The following UHRF1 variants were observed in gnomAD, a reference collection of about 807,000 sequenced individuals.
The protein encoded by UHRF1 is E3 ubiquitin-protein ligase UHRF1.
In UHRF1, 9 loss-of-function variants were observed where a neutral mutation model predicts 96.5. That is an observed-to-expected ratio of 0.09 (90% CI 0.06 to 0.16). The LOEUF is 0.16. Ranked by LOEUF, UHRF1 falls within the 10% of genes least tolerant of loss-of-function variation. The pLI, the probability that UHRF1 is intolerant of heterozygous loss-of-function variation, is 1.00. For synonymous variants in UHRF1, 455 were observed against 469.9 expected, an observed-to-expected ratio of 0.97 and a Z score of 0.41; for missense variants, 626 against 1,131.1, an observed-to-expected ratio of 0.55 and a Z score of 6.40.
intron 4 of UHRF1, 137 bp downstream of exon 4, chr19:4,931,013 C>T (rs973689231): frequency 4.1e-6 from 5 of 1,209,792 alleles, no homozygotes; most frequent in Non-Finnish European, 5.8e-6. Flanking sequence ...GAATTCCTAA[C>T]AGCATACGAG....
intron 7 of UHRF1, 105 bp downstream of exon 7, chr19:4,942,036 C>G: frequency 8.0e-7 from 1 of 1,257,186 alleles, no homozygotes; most frequent in East Asian, 2.9e-5. Flanking sequence ...GGGCTCACGC[C>G]TGCAATCCCA....
intron 1 of UHRF1, among the ~76,000 whole-genome samples, chr19:4,904,469 G>A (rs965168265): frequency 2.6e-5 from 4 of 151,604 alleles, no homozygotes; most frequent in Non-Finnish European, 4.4e-5. Context: ...GTGAGCCACC[G>A]CACCCAGCCA....
Position 4,926,553 on chromosome 19 carries a change from G to T in UHRF1, c.154-2669G>T, listed in dbSNP as rs544213052. On this transcript the variant is annotated intron_variant, in intron 2 of 16. Transcript: ENST00000650932. ...TTTTTCTGATGCTGGTGGATCGCTT[G>T]CTTGAGCCCCGGAGTTCAAAACCAG... is the stretch of plus-strand genomic sequence containing the variant. 2.2e-4 allele frequency among the ~76,000 whole-genome samples: 33 copies of T among 152,202 alleles called. No homozygotes were observed. In the South Asian group the frequency reaches 4.6e-3, roughly 21 times the overall value.
chr19:4,942,167 G>C (rs1290768469), intron 7 of UHRF1, among the ~76,000 whole-genome samples: 1 of 152,074 alleles, frequency 6.6e-6, no homozygotes. Context: ...TTGTTTTTTT[G>C]AGACGGAGTC....
upstream of UHRF1, among the ~76,000 whole-genome samples, chr19:4,906,789 T>C (rs764870067): frequency 1.3e-5 from 2 of 152,018 alleles, no homozygotes; most frequent in Non-Finnish European, 2.9e-5. Flanking sequence ...AAAAATGTAT[T>C]CCCTCTTTCA....
Position 4,941,732 on chromosome 19 carries a change from G to A in UHRF1, c.887-13G>A, listed in dbSNP as rs777353369. 4.4e-5 allele frequency: 68 copies of A among 1,546,464 alleles called. 1 individual carries two copies. The highest frequency in any genetic ancestry group is 1.7e-4 in the Middle Eastern group (1 of 5,898). On this transcript the variant is annotated splice_polypyrimidine_tract_variant and intron_variant, in intron 6 of 16. Coordinates refer to ENST00000650932, the MANE Select transcript of UHRF1 (RefSeq NM_001048201.3). ...GGGCCCCGCCGGAGCTGACCCTGCC[G>A]CCCCGTGCCCAGGGAAGAGCGGGCC...
At chr19:4,939,413 T>C (rs1032484586) in intron 5 of UHRF1, among the ~76,000 whole-genome samples, 1 of 151,820 alleles carries the variant, frequency 6.6e-6, no homozygotes, top group Non-Finnish European at 1.5e-5. Flanking sequence ...TGCTGTTTGC[T>C]GTCTCACCTA....
chr19:4,917,676 A>G (rs1440732236), intron 2 of UHRF1, among the ~76,000 whole-genome samples: 3 of 150,468 alleles, frequency 2.0e-5, no homozygotes, highest in East Asian at 2.0e-4. Flanking sequence ...AAAAAAAAAA[A>G]AGAGACAAGG....
At chr19:4,936,038 C>G (rs1003694074) in intron 5 of UHRF1, among the ~76,000 whole-genome samples, 3 of 152,218 alleles carry the variant, frequency 2.0e-5, no homozygotes, top group African/African-American at 7.2e-5. Flanking sequence ...ACCTGGCCGA[C>G]CACACCTTGG....
Position 4,960,899 on chromosome 19 carries a change from G to A in UHRF1, c.*96G>A, listed in dbSNP as rs1471233764. On this transcript the variant is annotated 3_prime_UTR_variant, in exon 17 of 17. Transcript: ENST00000650932. ...GTTCTTAGTGGGCTTAACTTAAACA[G>A]GTAGTGTTTCCTCCGTTCCCTAAAA... The A allele has an allele frequency of 4.6e-6, 3 of 646,610 alleles. No homozygotes were observed. Among genetic ancestry groups the A allele is most frequent in the South Asian group, 2.0e-5 (1 of 50,432 alleles). The allele number at this position is 646,610 out of a possible 1,614,324, so 40.1% of individuals were successfully genotyped here.
intron 5 of UHRF1, among the ~76,000 whole-genome samples, 184 bp from the exon 6 acceptor site, chr19:4,941,344 T>C (rs1418540422): frequency 5.3e-5 from 8 of 152,068 alleles, no homozygotes; most frequent in Non-Finnish European, 7.4e-5. Context: ...GTGTTGGTAT[T>C]ACAGGCGTGA....
At position 4,910,921 on chromosome 19, in the gene UHRF1, G is replaced by T. The variant is rs769199560; in HGVS notation, c.36G>T (p.Gln12His). 3.1e-6 allele frequency: 5 copies of T among 1,613,466 alleles called. No individual in the cohort carries two copies. The East Asian group carries it at 6.7e-5, about 22-fold the overall frequency. The stretch of plus-strand genomic sequence containing the variant: ...AGGTTCGGACCATGGACGGGAGGCA[G>T]ACCCACACGGTGGACTCGCTGTCCA... ...WIQVRTMDGR[Q>H]THTVDSLSRL... Residue 12 changes from glutamine (Q) to histidine (H), a missense_variant, in exon 2 of 17, where the codon CAG becomes CAT. Physicochemically the swap from Gln to His is conservative, Grantham distance 24. Coordinates refer to ENST00000650932, the MANE Select transcript of UHRF1 (RefSeq NM_001048201.3).
rs375882320 is a variant in UHRF1, at chr19:4,941,511, G to A, written c.786-17G>A. 1.7e-5 allele frequency: 28 copies of A among 1,605,046 alleles called. No homozygotes were observed. Among genetic ancestry groups the A allele is most frequent in the East Asian group, 6.7e-5 (3 of 44,628 alleles). The stretch of plus-strand genomic sequence containing the variant: ...CCTCGGCAGGCCAGAATGTTCCAGC[G>A]TCCTCGTTCCTTGCAGGGATGATTC... On this transcript the variant is annotated splice_polypyrimidine_tract_variant and intron_variant, in intron 5 of 16. Coordinates refer to ENST00000650932, the MANE Select transcript of UHRF1 (RefSeq NM_001048201.3).
chr19:4,927,333 A>G (rs2032903694), intron 2 of UHRF1, among the ~76,000 whole-genome samples: 1 of 146,896 alleles, frequency 6.8e-6, no homozygotes, highest in South Asian at 2.2e-4. Flanking sequence ...GTGAGCTGAG[A>G]TCACACCCCT....
chr19:4,918,715 G>T (rs2032605140), intron 2 of UHRF1, among the ~76,000 whole-genome samples: 1 of 115,316 alleles, frequency 8.7e-6, no homozygotes, highest in East Asian at 2.4e-4. Context: ...TGCCCAGCTG[G>T]TTTTTTTTTT....
In UHRF1 at chr19:4,954,715, A is replaced by C. The variant is rs1381788732; in HGVS notation, c.2023A>C (p.Ser675Arg). The change falls in exon 15 of 17, where the codon AGT (serine) becomes CGT (arginine). Residue 675 changes from serine (S) to arginine (R), a missense_variant. This residue lies in a region of UHRF1 where 90 missense variants were observed against 94.7 expected (regional missense o/e 0.95). Coordinates refer to ENST00000650932, the MANE Select transcript of UHRF1 (RefSeq NM_001048201.3). The surrounding 1 kb of genome is among the most constrained non-coding windows in gnomAD (Gnocchi z 5.9). ...CAAGAAAACCAAGGTGGAGCCCTAC[A>C]GTCTCACGGCCCAGCAGAGCAGCCT... Reference protein sequence around the residue: ...TSKKTKVEPYSLTAQQSSLIR... With the variant: ...TSKKTKVEPYRLTAQQSSLIR... 4.3e-6 allele frequency: 7 copies of C among 1,613,638 alleles called. No individual in the cohort carries two copies. The highest frequency in any genetic ancestry group is 5.9e-6 in the Non-Finnish European group (7 of 1,179,828).
intron 5 of UHRF1, among the ~76,000 whole-genome samples, chr19:4,936,068 T>A (rs1365220003): frequency 6.6e-6 from 1 of 152,168 alleles, no homozygotes; most frequent in East Asian, 1.9e-4. Context: ...GTTCTTCGAT[T>A]CATTCATGCT....
chr19:4,929,392 C>T lies in UHRF1; in HGVS notation c.324C>T (p.Ser108=). The T allele has an allele frequency of 6.2e-7, 1 of 1,613,812 alleles. No homozygotes were observed. ...GCCAGAGTGAGTCAGACAAGTCCTC[C>T]ACCCACGGTGAGGCGGCCGCCGAGA... is the stretch of plus-strand genomic sequence containing the variant. ...CLGQSESDKS[S]THGEAAAETD... The change falls in exon 3 of 17, where the codon TCC becomes TCT. Residue 108 remains serine, a synonymous_variant. Transcript: ENST00000650932.
upstream of UHRF1, among the ~76,000 whole-genome samples, chr19:4,907,137 C>A (rs1454796407): frequency 6.6e-6 from 1 of 152,168 alleles, no homozygotes; most frequent in African/African-American, 2.4e-5. Flanking sequence ...GTTGATAGAG[C>A]CTTGCTCTGT....
Sources: gnomAD v4.1 joint callset for allele counts (sites outside exome capture counted in the v4.1 genomes callset) on GRCh38, gnomAD v4.1.1 for gene constraint, gnomAD v4.1.1 regional missense constraint, Gnocchi (gnomAD v3.1) non-coding constraint, MANE v1.5 for transcripts, NCBI Gene and HGNC (gene_info 2026-07-23, HGNC 2026-07-21) for gene names.